Variants in VEZT observed in about 807,000 individuals in gnomAD.
The protein encoded by VEZT is vezatin.
In VEZT, 39 loss-of-function variants were observed where a neutral mutation model predicts 79.9. The ratio of observed to expected loss-of-function variants is 0.49; its 90% confidence interval spans 0.38 to 0.64. The LOEUF is 0.64. Ranked by LOEUF, VEZT falls within the 30% of genes least tolerant of loss-of-function variation. VEZT has a pLI of 0.00. For missense variants in VEZT, 837 were observed against 893.1 expected (o/e 0.94, Z 0.80); for synonymous variants, 325 against 327.6 (o/e 0.99, Z 0.09).
intron 11 of VEZT, chr12:95,296,695 G>A (rs1185283621): frequency 6.5e-6 from 1 of 153,344 alleles, no homozygotes; most frequent in East Asian, 1.9e-4. Flanking sequence ...ATATCAGCAC[G>A]TTGGGAAGCT....
In VEZT at chr12:95,282,430, C is replaced by T. The variant is rs192620355; in HGVS notation, c.1114C>T (p.Arg372Cys). 3.4e-3 allele frequency: 5,484 copies of T among 1,613,960 alleles called. 18 individuals are homozygous for T. The highest frequency in any genetic ancestry group is 3.8e-3 in the Non-Finnish European group (4,472 of 1,179,886). Residue 372 changes from arginine (R) to cysteine (C), a missense_variant, in exon 8 of 12, where the codon CGT becomes TGT. By Grantham distance (180) the Arg-to-Cys change is radical. Transcript: ENST00000436874. ...ACTTACTCCAGCACTTCTGCCTCATCGTATCTTATCTGATGTGACTCAAGG... is the reference window on the plus strand; with the variant it reads ...ACTTACTCCAGCACTTCTGCCTCATTGTATCTTATCTGATGTGACTCAAGG... The part of the protein sequence containing the change: ...PLLTPALLPH[R>C]ILSDVTQGLP...
At chr12:95,233,179 CCTT>C (rs1420304669) in intron 1 of VEZT, among the ~76,000 whole-genome samples, 6 of 151,774 alleles carry the variant, frequency 4.0e-5, no homozygotes, top group Non-Finnish European at 8.8e-5. Context: ...TAATTAGGTA[CCTT>C]CTTTTTTCTT....
chr12:95,276,836 C>T (rs998965537), intron 7 of VEZT, among the ~76,000 whole-genome samples: 16 of 151,968 alleles, frequency 1.1e-4, no homozygotes, highest in African/African-American at 3.9e-4. Context: ...GTAAAATTTG[C>T]TTTGGCTTAT....
At chr12:95,218,460 G>A (rs1200285628) in intron 1 of VEZT, 4 of 152,210 alleles carry the variant, frequency 2.6e-5, no homozygotes, top group African/African-American at 9.7e-5. Flanking sequence ...GTTGCGCTAG[G>A]TGTAGCCAGT....
chr12:95,274,660 G>T, intron 6 of VEZT, 82 bp from the exon 7 acceptor site: 1 of 1,402,806 alleles, frequency 7.1e-7, no homozygotes, highest in Non-Finnish European at 9.5e-7. Context: ...ATAAAGATTA[G>T]GGAATGTGAT....
rs369525097 is a variant in VEZT at position 95,241,190 on chromosome 12, G to A, written c.37-10750G>A. ...TGGGACTACAGATGTGCACCACCAC[G>A]CCCGGCTAATTTTTGTATTTTTTTT... On this transcript the variant is annotated intron_variant, in intron 1 of 11. Transcript: ENST00000436874. 9.5e-4 allele frequency among the ~76,000 whole-genome samples: 144 copies of A among 151,974 alleles called. 1 individual carries two copies. Among genetic ancestry groups the A allele is most frequent in the African/African-American group, 3.0e-3 (126 of 41,456 alleles).
At chr12:95,277,065 A>G (rs2067941518) in intron 7 of VEZT, among the ~76,000 whole-genome samples, 1 of 151,698 alleles carries the variant, frequency 6.6e-6, no homozygotes, top group African/African-American at 2.4e-5. Context: ...CCCAGCCACC[A>G]TCATTTCATA....
Position 95,300,907 on chromosome 12 carries a change from A to G in VEZT, c.*234A>G, listed in dbSNP as rs2075139440. On this transcript the variant is annotated 3_prime_UTR_variant, in exon 12 of 12. Coordinates refer to ENST00000436874, the MANE Select transcript of VEZT (RefSeq NM_017599.4). The stretch of plus-strand genomic sequence containing the variant: ...GCTCTTTTGAATAAACTGCTGTTTT[A>G]TTTGTGGCACAACTGATCAATCTTG... 8.7e-6 allele frequency: 3 copies of G among 345,006 alleles called. No homozygotes were observed. Among genetic ancestry groups the G allele is most frequent in the South Asian group, 9.1e-5 (1 of 11,042 alleles). 21.4% of individuals were successfully genotyped at this position (345,006 alleles called of 1,614,324 possible). A position where few individuals can be genotyped will look rare whatever the true frequency, so the allele number is the denominator to read the frequency against.
intron 8 of VEZT, among the ~76,000 whole-genome samples, chr12:95,285,319 C>A (rs546463312): frequency 1.1e-3 from 169 of 151,940 alleles, no homozygotes; most frequent in Middle Eastern, 6.8e-3. Context: ...TGGTACACGC[C>A]TGTAGTCCCA....
Position 95,251,983 on chromosome 12 carries a change from A to C in VEZT, c.80A>C (p.Asp27Ala). 1.9e-6 allele frequency: 3 copies of C among 1,612,968 alleles called. No homozygotes were observed. Among genetic ancestry groups the C allele is most frequent in the Non-Finnish European group, 2.5e-6 (3 of 1,179,406 alleles). Residue 27 changes from aspartate to alanine, a missense_variant, in exon 2 of 12, where the codon GAC (aspartate) becomes GCC (alanine). Asp to Ala is a moderately radical substitution (Grantham distance 126, BLOSUM62 -2). Coordinates refer to ENST00000436874, the MANE Select transcript of VEZT (RefSeq NM_017599.4). ...YQYLQDLGHTDFEICSSLSPK... is the reference protein window; with the variant it reads ...YQYLQDLGHTAFEICSSLSPK... ...TACTTACAGGATCTGGGACACACAG[A>C]CTTTGAAATATGTTCTTCTTTGTCA...
intron 6 of VEZT, among the ~76,000 whole-genome samples, chr12:95,272,268 C>T (rs2138846241): frequency 6.6e-6 from 1 of 152,024 alleles, no homozygotes; most frequent in Admixed American, 6.6e-5. Context: ...AGAGAATGAT[C>T]GGTGGGGTGC....
At chr12:95,258,910 G>C (rs1279003619) in intron 3 of VEZT, among the ~76,000 whole-genome samples, 1 of 152,200 alleles carries the variant, frequency 6.6e-6, no homozygotes, top group Non-Finnish European at 1.5e-5. Flanking sequence ...TTTTTTATCT[G>C]TGCCTTCTCA....
rs2075062000 is a variant in VEZT at position 95,300,413 on chromosome 12, T to C, written c.2080T>C (p.Cys694Arg). Residue 694 changes from cysteine to arginine, a missense_variant, in exon 12 of 12, where the codon TGT becomes CGT. Transcript: ENST00000436874. ...QGAEERMCYQ[C>R]ESEDEPQADG... ...AGCAGAAGAAAGAATGTGTTACCAA[T>C]GTGAGAGTGAAGATGAACCACAAGC... The C allele has an allele frequency of 3.7e-6, 6 of 1,614,000 alleles. No homozygotes were observed. Among genetic ancestry groups the C allele is most frequent in the Non-Finnish European group, 5.1e-6 (6 of 1,179,888 alleles).
At chr12:95,282,714 G>C (rs1417518907) in intron 8 of VEZT, 70 bp downstream of exon 8, 2 of 1,339,340 alleles carry the variant, frequency 1.5e-6, no homozygotes, top group African/African-American at 2.9e-5. Context: ...CATTGTGGTT[G>C]TTGGCTTGTG....
At chr12:95,249,872 C>G (rs1352668929) in intron 1 of VEZT, among the ~76,000 whole-genome samples, 2 of 151,790 alleles carry the variant, frequency 1.3e-5, no homozygotes, top group Non-Finnish European at 2.9e-5. Context: ...CTGAGTGAAC[C>G]CGTTTCCTCA....
Position 95,287,717 on chromosome 12 carries a change from A to C in VEZT, c.1382A>C (p.Gln461Pro), listed in dbSNP as rs762540434. The change falls in exon 9 of 12, where the codon CAA (glutamine) becomes CCA (proline). Residue 461 changes from glutamine to proline, a missense_variant. Gln to Pro is a moderately conservative substitution (Grantham distance 76). Transcript: ENST00000436874. ...LEKLVCTKET[Q>P]ELVSEAYPIL... ...AAGCTTGTTTGTACTAAAGAAACAC[A>C]AGAACTAGTGTCAGAGGCTTATCCC... The C allele has an allele frequency of 1.9e-6, 3 of 1,596,262 alleles. No individual in the cohort carries two copies. Among genetic ancestry groups the C allele is most frequent in the Non-Finnish European group, 2.6e-6 (3 of 1,170,286 alleles).
intron 4 of VEZT, chr12:95,263,713 C>G (rs917438810): frequency 6.6e-6 from 1 of 152,076 alleles, no homozygotes; most frequent in African/African-American, 2.4e-5. Flanking sequence ...GCATGCAAAC[C>G]TAACCTTCTT....
chr12:95,254,368 ACGGAGTCTCACTCTGT>A (rs1667120465), intron 2 of VEZT, among the ~76,000 whole-genome samples: 1 of 105,248 alleles, frequency 9.5e-6, no homozygotes, highest in African/African-American at 3.9e-5. Context: ...TTTTTTTGAG[ACGGAGTCTCACTCTGT>A]CGCCCAGGTT....
chr12:95,270,017 G>A (rs779767498), intron 5 of VEZT, 34 bp from the exon 6 acceptor site: 23 of 1,597,640 alleles, frequency 1.4e-5, no homozygotes, highest in Non-Finnish European at 1.9e-5. Flanking sequence ...CTGTACAGTT[G>A]TATCACATTT....
Sources: allele counts gnomAD v4.1 joint callset (sites outside exome capture counted in the v4.1 genomes callset), GRCh38; gene constraint gnomAD v4.1.1; transcripts MANE v1.5; gene names NCBI Gene and HGNC (gene_info 2026-07-23, HGNC 2026-07-21).